The following VPS41 variants were observed in gnomAD, a reference collection of about 807,000 sequenced individuals.
VPS41 encodes vacuolar protein sorting-associated protein 41 homolog.
VPS41 carries 85 observed loss-of-function variants against 130.9 expected under a neutral mutation model. The observed-to-expected ratio is 0.65, with a 90% CI of 0.55 to 0.78. The LOEUF (loss-of-function observed/expected upper bound fraction) is 0.78. VPS41 is among the 30% of genes least tolerant of loss of function. VPS41 has a pLI of 0.00. For synonymous variants in VPS41, 335 were observed against 332.9 expected, an observed-to-expected ratio of 1.01 and a Z score of -0.07; for missense variants, 874 against 1,018.7, an observed-to-expected ratio of 0.86 and a Z score of 1.93.
chr7:38,903,494 C>T (rs28437188), intron 1 of VPS41, among the ~76,000 whole-genome samples: 2 of 152,226 alleles, frequency 1.3e-5, no homozygotes, highest in East Asian at 3.9e-4. Flanking sequence ...TGCAGGAGGG[C>T]TCACCTGGGT....
intron 4 of VPS41, among the ~76,000 whole-genome samples, chr7:38,849,271 G>C (rs113393649): frequency 1.3e-5 from 2 of 152,190 alleles, no homozygotes; most frequent in African/African-American, 4.8e-5. Context: ...AGCATCTAGG[G>C]GTGAATGTTT....
Position 38,726,150 on chromosome 7 carries a change from A to C in VPS41, c.*96T>G. On this transcript the variant is annotated 3_prime_UTR_variant, in exon 29 of 29. Transcript: ENST00000310301. ...TTTGAGTATAATATAAACATAAACA[A>C]ATCTCTTAACAGCACGAGTGTCAAC... 2 of 799,176 alleles carry C rather than the reference A, an allele frequency of 2.5e-6. No individual in the cohort carries two copies. The highest frequency in any genetic ancestry group is 4.3e-6 in the Non-Finnish European group (2 of 464,808). The allele number at this position is 799,176 out of a possible 1,614,324, so 49.5% of individuals were successfully genotyped here.
At chr7:38,894,461 A>G (rs1411564591) in intron 2 of VPS41, among the ~76,000 whole-genome samples, 1 of 150,148 alleles carries the variant, frequency 6.7e-6, no homozygotes, top group East Asian at 2.0e-4. Flanking sequence ...GGTTGGGGGG[A>G]AGTGGGGGAG....
chr7:38,883,987 C>T (rs1786667781), intron 2 of VPS41, among the ~76,000 whole-genome samples: 1 of 152,208 alleles, frequency 6.6e-6, no homozygotes, highest in South Asian at 2.1e-4. Flanking sequence ...GCTATGTGGA[C>T]ACTATAACCC....
At chr7:38,823,217 T>C (rs1785210881) in intron 5 of VPS41, among the ~76,000 whole-genome samples, 1 of 152,172 alleles carries the variant, frequency 6.6e-6, no homozygotes, top group South Asian at 2.1e-4. Flanking sequence ...TAACTAGCTA[T>C]AGCTTGAGGT....
At chr7:38,852,219 A>G (rs1215988325) in intron 4 of VPS41, among the ~76,000 whole-genome samples, 1 of 152,190 alleles carries the variant, frequency 6.6e-6, no homozygotes, top group Non-Finnish European at 1.5e-5. Flanking sequence ...AGGATCCAGG[A>G]TCCAATCAGA....
intron 28 of VPS41, among the ~76,000 whole-genome samples, chr7:38,726,598 G>C (rs1795549429): frequency 6.6e-6 from 1 of 152,100 alleles, no homozygotes; most frequent in East Asian, 1.9e-4. Flanking sequence ...ACACAAATCA[G>C]GCTGAGAAAC....
chr7:38,753,422 G>T (rs1562572350), intron 21 of VPS41, among the ~76,000 whole-genome samples: 1 of 152,048 alleles, frequency 6.6e-6, no homozygotes, highest in African/African-American at 2.4e-5. Context: ...CATGTGCCAG[G>T]CAGAGGTCTG....
chr7:38,879,394 G>C lies in VPS41; in HGVS notation c.61-10141C>G, dbSNP rs1486638733. ...CAAGTAGAGATGCTTGTTAGGGGCT[G>C]CTTCCTCTGTGGATTAACTCAAAGT... On this transcript the variant is annotated intron_variant, in intron 2 of 28. Coordinates refer to ENST00000310301, the MANE Select transcript of VPS41 (RefSeq NM_014396.4). Among the ~76,000 whole-genome samples, 4 of 152,262 alleles carry C rather than the reference G, an allele frequency of 2.6e-5. No individual in the cohort carries two copies. The East Asian group carries it at 5.8e-4, about 22-fold the overall frequency.
chr7:38,727,121 A>G, intron 27 of VPS41, 133 bp from the exon 28 acceptor site: 2 of 721,332 alleles, frequency 2.8e-6, no homozygotes, highest in Non-Finnish European at 4.1e-6. Context: ...GCTTATTTAC[A>G]AAAGCATTCC....
At chr7:38,853,142 G>C (rs182782834) in intron 4 of VPS41, among the ~76,000 whole-genome samples, 1 of 152,090 alleles carries the variant, frequency 6.6e-6, no homozygotes, top group Non-Finnish European at 1.5e-5. Context: ...GAATGTGGCC[G>C]GGTGCGGTGG....
chr7:38,875,601 C>G (rs1786475386), intron 2 of VPS41, among the ~76,000 whole-genome samples: 1 of 152,134 alleles, frequency 6.6e-6, no homozygotes, highest in Non-Finnish European at 1.5e-5. Flanking sequence ...CAAAACGTAT[C>G]AAGAAAACTA....
At chr7:38,828,424 A>C (rs1400098122) in intron 5 of VPS41, among the ~76,000 whole-genome samples, 1 of 152,196 alleles carries the variant, frequency 6.6e-6, no homozygotes, top group African/African-American at 2.4e-5. Flanking sequence ...CCTTGAAATA[A>C]CCCTAATAAA....
At position 38,723,821 on chromosome 7, in the gene VPS41, T is replaced by C. The variant is rs1026445726; in HGVS notation, c.*2425A>G. The C allele has an allele frequency of 4.0e-5, 6 of 151,848 alleles. No homozygotes were observed. The East Asian group carries it at 9.7e-4, about 24-fold the overall frequency. The allele number at this position is 151,848 out of a possible 1,614,324, so 9.4% of individuals were successfully genotyped here. A position where few individuals can be genotyped will look rare whatever the true frequency, so the allele number is the denominator to read the frequency against. The stretch of plus-strand genomic sequence containing the variant: ...AAAACGAGGGGAATGGGTTTCCTTT[T>C]TACCTATATTTTAAATTGGGCTAGT... On this transcript the variant is annotated 3_prime_UTR_variant, in exon 29 of 29. Transcript: ENST00000310301.
intron 2 of VPS41, among the ~76,000 whole-genome samples, chr7:38,894,465 G>T (rs1341715368): frequency 2.0e-5 from 3 of 152,018 alleles, no homozygotes; most frequent in Non-Finnish European, 4.4e-5. Flanking sequence ...GGGGGGAAGT[G>T]GGGGAGGAAT....
intron 1 of VPS41, 24 bp from the exon 2 acceptor site, chr7:38,898,153 T>C (rs1300678881): frequency 7.5e-6 from 12 of 1,603,046 alleles, no homozygotes; most frequent in African/African-American, 1.3e-5. Context: ...AAAAAGAAAA[T>C]GGTCAGAAGA....
intron 4 of VPS41, among the ~76,000 whole-genome samples, chr7:38,842,340 C>A (rs1785625686): frequency 6.6e-6 from 1 of 152,206 alleles, no homozygotes; most frequent in Admixed American, 6.5e-5. Flanking sequence ...TTCTCCAACA[C>A]CCCATTTTCC....
chr7:38,889,071 G>A (rs1786799279), intron 2 of VPS41, among the ~76,000 whole-genome samples: 1 of 150,302 alleles, frequency 6.7e-6, no homozygotes, highest in Non-Finnish European at 1.5e-5. Flanking sequence ...AAAATTGCAT[G>A]TTCTGCACAT....
intron 2 of VPS41, among the ~76,000 whole-genome samples, chr7:38,872,558 T>C (rs1011173235): frequency 6.6e-6 from 1 of 152,148 alleles, no homozygotes; most frequent in Non-Finnish European, 1.5e-5. Context: ...AAAACAAAGA[T>C]GATATACCTG....
Sources: gnomAD v4.1 joint callset for allele counts (sites outside exome capture counted in the v4.1 genomes callset) on GRCh38, gnomAD v4.1.1 for gene constraint, MANE v1.5 for transcripts, NCBI Gene and HGNC (gene_info 2026-07-23, HGNC 2026-07-21) for gene names.